SLC8A1: variants seen among roughly 807,000 people sequenced by gnomAD.
The protein encoded by SLC8A1 is sodium/calcium exchanger 1.
A neutral mutation model predicts 68.3 loss-of-function variants in SLC8A1; 18 were observed. The observed-to-expected ratio is 0.26, with a 90% CI of 0.18 to 0.39. The LOEUF is 0.39. Among genes scored for constraint, SLC8A1 ranks in the 10% least tolerant of loss-of-function variants. The pLI, the probability that SLC8A1 is intolerant of heterozygous loss-of-function variation, is 1.00. For synonymous variants in SLC8A1, 475 were observed against 415.5 expected (o/e 1.14, Z -1.74); for missense variants, 985 against 1,156.7 (o/e 0.85, Z 2.15).
chr2:40,323,260 A>T (rs2075422996), intron 2 of SLC8A1, among the ~76,000 whole-genome samples: 1 of 152,158 alleles, frequency 6.6e-6, no homozygotes. Flanking sequence ...ATAAATAATC[A>T]TCCTGGATTC....
At chr2:40,276,042 C>A (rs1559059544) in intron 2 of SLC8A1, among the ~76,000 whole-genome samples, 1 of 152,194 alleles carries the variant, frequency 6.6e-6, no homozygotes, top group African/African-American at 2.4e-5. Context: ...TGGTATGCAG[C>A]TACTTGTAAA....
At chr2:40,422,785 T>C (rs1276265921) in intron 2 of SLC8A1, among the ~76,000 whole-genome samples, 1 of 152,200 alleles carries the variant, frequency 6.6e-6, no homozygotes, top group African/African-American at 2.4e-5. Context: ...AAATTCTCTT[T>C]AGGACCTTCA....
intron 2 of SLC8A1, among the ~76,000 whole-genome samples, chr2:40,314,769 A>G (rs866533856): frequency 1.4e-4 from 21 of 152,104 alleles, no homozygotes; most frequent in African/African-American, 4.8e-4. Context: ...GACATTGTAA[A>G]TGGTACTGTT....
chr2:40,253,693 G>C (rs972952320), intron 2 of SLC8A1, among the ~76,000 whole-genome samples: 1 of 151,922 alleles, frequency 6.6e-6, no homozygotes, highest in African/African-American at 2.4e-5. Flanking sequence ...CAGGCATGGT[G>C]GTGGGCACTT....
intron 2 of SLC8A1, among the ~76,000 whole-genome samples, chr2:40,335,055 T>A (rs1484945087): frequency 6.6e-6 from 1 of 152,220 alleles, no homozygotes; most frequent in East Asian, 1.9e-4. Flanking sequence ...AGGTCATTAG[T>A]GCTCCCATTT....
At chr2:40,394,536 T>C (rs959871667) in intron 2 of SLC8A1, among the ~76,000 whole-genome samples, 1 of 152,092 alleles carries the variant, frequency 6.6e-6, no homozygotes, top group African/African-American at 2.4e-5. Context: ...TCATCAAGTT[T>C]CTGTTAGACA....
intron 2 of SLC8A1, among the ~76,000 whole-genome samples, chr2:40,419,222 G>A (rs889018693): frequency 6.6e-6 from 1 of 152,170 alleles, no homozygotes; most frequent in Admixed American, 6.5e-5. Flanking sequence ...AGCCCTTCTG[G>A]ATTCCACCGG....
intron 2 of SLC8A1, among the ~76,000 whole-genome samples, chr2:40,387,867 G>A (rs112183749): frequency 0.027 from 4,053 of 150,868 alleles, 83 homozygotes; most frequent in Non-Finnish European, 0.04. Context: ...AACCTGGGAG[G>A]TGGAGGCTGC....
At chr2:40,410,757 A>T (rs1691865525) in intron 2 of SLC8A1, among the ~76,000 whole-genome samples, 1 of 152,076 alleles carries the variant, frequency 6.6e-6, no homozygotes, top group Admixed American at 6.6e-5. Context: ...TTATCTTCAA[A>T]ATCTGATAAT....
exon 8 of SLC8A1, chr2:40,102,926 C>T (rs2033982408): frequency 6.6e-6 from 1 of 152,062 alleles, no homozygotes; most frequent in South Asian, 2.1e-4. Context: ...AATTTTATCC[C>T]TTGGCAGAAG....
At chr2:40,278,661 GTC>G (rs2067097542) in intron 2 of SLC8A1, among the ~76,000 whole-genome samples, 1 of 151,990 alleles carries the variant, frequency 6.6e-6, no homozygotes, top group Non-Finnish European at 1.5e-5. Context: ...GGGCATTGTG[GTC>G]TCTCCTTCAT....
chr2:40,460,787 G>A (rs1048995861), intron 1 of SLC8A1, among the ~76,000 whole-genome samples: 1 of 151,988 alleles, frequency 6.6e-6, no homozygotes, highest in African/African-American at 2.4e-5. Context: ...TGGCCAGACT[G>A]GTCTTGAACT....
intron 2 of SLC8A1, among the ~76,000 whole-genome samples, chr2:40,321,306 T>C (rs1195707476): frequency 6.6e-6 from 1 of 152,050 alleles, no homozygotes; most frequent in East Asian, 1.9e-4. Context: ...CACAAGTAAA[T>C]TAAGACATTT....
intron 2 of SLC8A1, among the ~76,000 whole-genome samples, chr2:40,420,602 G>C (rs2149742724): frequency 6.6e-6 from 1 of 152,290 alleles, no homozygotes; most frequent in South Asian, 2.1e-4. Flanking sequence ...AAAACATTAA[G>C]CATTCCCTTG....
intron 2 of SLC8A1, among the ~76,000 whole-genome samples, chr2:40,201,085 A>T (rs780855762): frequency 6.6e-6 from 1 of 151,878 alleles, no homozygotes; most frequent in East Asian, 1.9e-4. Flanking sequence ...ATATCATTCA[A>T]ATCTTGAACG....
intron 2 of SLC8A1, among the ~76,000 whole-genome samples, chr2:40,290,107 T>G (rs1031003835): frequency 6.6e-6 from 1 of 152,052 alleles, no homozygotes; most frequent in Non-Finnish European, 1.5e-5. Context: ...TGCTTATTAT[T>G]TAGTCTCAGG....
chr2:40,312,808 T>C (rs1013900368), intron 2 of SLC8A1, among the ~76,000 whole-genome samples: 1 of 152,118 alleles, frequency 6.6e-6, no homozygotes, highest in African/African-American at 2.4e-5. Context: ...AGTTTTAAAT[T>C]GTATATTCTT....
chr2:40,383,630 G>C (rs926373121), intron 2 of SLC8A1, among the ~76,000 whole-genome samples: 1 of 152,046 alleles, frequency 6.6e-6, no homozygotes, highest in Non-Finnish European at 1.5e-5. Context: ...AAAAAAATTT[G>C]CTCAAGGTCA....
chr2:40,433,423 A>G (rs1698767916), intron 1 of SLC8A1, among the ~76,000 whole-genome samples: 1 of 152,182 alleles, frequency 6.6e-6, no homozygotes, highest in Non-Finnish European at 1.5e-5. Flanking sequence ...ATTTCCTGAG[A>G]GAATACTAGA....
Sources: gnomAD v4.1 joint callset for allele counts (sites outside exome capture counted in the v4.1 genomes callset) on GRCh38, gnomAD v4.1.1 for gene constraint, MANE v1.5 for transcripts, NCBI Gene and HGNC (gene_info 2026-07-23, HGNC 2026-07-21) for gene names.